Variants in DSE observed in about 807,000 individuals in gnomAD.
DSE encodes dermatan-sulfate epimerase.
DSE carries 36 observed loss-of-function variants against 84.4 expected under a neutral mutation model. That is an observed-to-expected ratio of 0.43 (90% CI 0.33 to 0.56). The LOEUF is 0.56. DSE is among the 20% of genes least tolerant of loss of function. The pLI, the probability that DSE is intolerant of heterozygous loss-of-function variation, is 0.06. For synonymous variants in DSE, 410 were observed against 430.1 expected, an observed-to-expected ratio of 0.95 and a Z score of 0.58; for missense variants, 862 against 1,169.6, an observed-to-expected ratio of 0.74 and a Z score of 3.84.
At chr6:116,361,108 A>C (rs2114879038) in intron 2 of DSE, among the ~76,000 whole-genome samples, 1 of 152,238 alleles carries the variant, frequency 6.6e-6, no homozygotes, top group Admixed American at 6.5e-5. Flanking sequence ...TCTGTTGCCC[A>C]GGCTGGAGTG....
rs750658796 is a variant in DSE at position 116,436,797 on chromosome 6, C to A, written c.2329C>A (p.Leu777Met). The A allele has an allele frequency of 7.4e-6, 12 of 1,614,130 alleles. No individual in the cohort carries two copies. The South Asian group carries it at 1.1e-4, about 15-fold the overall frequency. The change falls in exon 6 of 6, where the codon CTG (leucine) becomes ATG (methionine). Residue 777 changes from leucine (L) to methionine (M), a missense_variant. Physicochemically the swap from Leu to Met is conservative, Grantham distance 15. Coordinates refer to ENST00000644252, the MANE Select transcript of DSE (RefSeq NM_013352.4). ...TAGCTTTAGGAAGACTGCTGAACGC[C>A]TGCTGAGATTTTCAGATAAGAGACA... ...TASFRKTAER[L>M]LRFSDKRQTE...
chr6:116,363,151 G>A (rs1471259242), intron 2 of DSE, among the ~76,000 whole-genome samples: 1 of 152,060 alleles, frequency 6.6e-6, no homozygotes, highest in Non-Finnish European at 1.5e-5. Context: ...ATCCAAGATT[G>A]TTGTATCCTA....
chr6:116,408,215 T>A (rs754526905), intron 2 of DSE, among the ~76,000 whole-genome samples: 1 of 152,222 alleles, frequency 6.6e-6, no homozygotes, highest in Non-Finnish European at 1.5e-5. Context: ...GAAACTTCTT[T>A]CTAGAAAATT....
intron 2 of DSE, among the ~76,000 whole-genome samples, chr6:116,270,392 G>C (rs58631245): frequency 0.2 from 30,378 of 152,066 alleles, 3,291 homozygotes; most frequent in East Asian, 0.28. Context: ...GTTGGAGTTT[G>C]GTGAAGAGGA....
At chr6:116,258,313 G>T in intron 1 of DSE, 1 of 474,568 alleles carries the variant, frequency 2.1e-6, no homozygotes, top group Non-Finnish European at 3.9e-6. Context: ...ACCGGACCTG[G>T]CCAGATATTT....
chr6:116,324,455 A>G (rs906973786), intron 2 of DSE, among the ~76,000 whole-genome samples: 37 of 152,094 alleles, frequency 2.4e-4, no homozygotes, highest in Non-Finnish European at 2.9e-5. Flanking sequence ...TGAAATCCCA[A>G]CTCCACCCCC....
chr6:116,403,893 A>T (rs1028120920), intron 2 of DSE, among the ~76,000 whole-genome samples: 1 of 152,146 alleles, frequency 6.6e-6, no homozygotes, highest in African/African-American at 2.4e-5. Flanking sequence ...TGAGAGCGGG[A>T]CCATGCCTGT....
chr6:116,265,643 T>C (rs1772589717), intron 2 of DSE, among the ~76,000 whole-genome samples: 1 of 152,002 alleles, frequency 6.6e-6, no homozygotes, highest in South Asian at 2.1e-4. Context: ...AGGTATGGTG[T>C]GGGCCCCCAG....
chr6:116,350,587 C>T (rs1778247644), intron 2 of DSE, among the ~76,000 whole-genome samples: 1 of 152,090 alleles, frequency 6.6e-6, no homozygotes, highest in Non-Finnish European at 1.5e-5. Flanking sequence ...CCAACTGACA[C>T]AATTGTCTAT....
At chr6:116,390,831 C>T (rs1418515028) in intron 1 of DSE, among the ~76,000 whole-genome samples, 1 of 152,136 alleles carries the variant, frequency 6.6e-6, no homozygotes, top group Non-Finnish European at 1.5e-5. Context: ...GTATCTCTAC[C>T]CTCGTTTCCC....
At chr6:116,304,359 A>G (rs1384195204) in intron 2 of DSE, among the ~76,000 whole-genome samples, 3 of 120,182 alleles carry the variant, frequency 2.5e-5, no homozygotes, top group Non-Finnish European at 6.3e-5. Context: ...TGAGTTTGAA[A>G]TTCAGATTTT....
intron 2 of DSE, among the ~76,000 whole-genome samples, chr6:116,291,002 A>G (rs542198300): frequency 5.3e-5 from 8 of 152,260 alleles, no homozygotes; most frequent in Non-Finnish European, 8.8e-5. Context: ...TTGGAGGCGT[A>G]GACTTGAGAC....
chr6:116,335,970 T>C (rs1193754981), intron 2 of DSE, among the ~76,000 whole-genome samples: 1 of 152,198 alleles, frequency 6.6e-6, no homozygotes, highest in African/African-American at 2.4e-5. Flanking sequence ...TGGTCTGGTC[T>C]GTGGGAGTCT....
chr6:116,430,347 T>A (rs1415329007), intron 3 of DSE, among the ~76,000 whole-genome samples: 1 of 152,234 alleles, frequency 6.6e-6, no homozygotes, highest in Non-Finnish European at 1.5e-5. Flanking sequence ...GATGCAAGTT[T>A]CACAAAGAGA....
intron 2 of DSE, among the ~76,000 whole-genome samples, chr6:116,419,079 A>G (rs958737586): frequency 6.6e-6 from 1 of 152,186 alleles, no homozygotes; most frequent in African/African-American, 2.4e-5. Context: ...ATGGACGCCA[A>G]GCCAGGCCAG....
chr6:116,332,642 TTATA>T (rs1474394475), intron 2 of DSE, among the ~76,000 whole-genome samples: 1 of 152,068 alleles, frequency 6.6e-6, no homozygotes, highest in African/African-American at 2.4e-5. Context: ...AATTAAGTGT[TTATA>T]TATTAAGCAG....
chr6:116,362,226 T>G (rs532038301), intron 2 of DSE, among the ~76,000 whole-genome samples: 4 of 152,354 alleles, frequency 2.6e-5, no homozygotes, highest in Non-Finnish European at 4.4e-5. Flanking sequence ...CTTAGGCCAG[T>G]GGTCTTCAAA....
At chr6:116,358,548 T>G (rs1778701955) in intron 2 of DSE, among the ~76,000 whole-genome samples, 1 of 152,342 alleles carries the variant, frequency 6.6e-6, no homozygotes, top group Admixed American at 6.5e-5. Context: ...GTGGACCTTT[T>G]CGTTGATGAG....
chr6:116,323,537 G>A (rs1304381769), intron 2 of DSE, among the ~76,000 whole-genome samples: 1 of 152,104 alleles, frequency 6.6e-6, no homozygotes, highest in Non-Finnish European at 1.5e-5. Context: ...GCTTTTAAAT[G>A]TTCTTATCGA....
Sources: allele counts gnomAD v4.1 joint callset (sites outside exome capture counted in the v4.1 genomes callset), GRCh38; gene constraint gnomAD v4.1.1; transcripts MANE v1.5; gene names NCBI Gene and HGNC (gene_info 2026-07-23, HGNC 2026-07-21).